The following ZNF552 variants were observed in gnomAD, a reference collection of about 807,000 sequenced individuals.
ZNF552 encodes zinc finger protein 552.
In ZNF552, 2 loss-of-function variants were observed where a neutral mutation model predicts 7.2. That is an observed-to-expected ratio of 0.28 (90% confidence interval 0.11 to 0.88). The LOEUF (loss-of-function observed/expected upper bound fraction) is 0.88. ZNF552 is among the 40% of genes least tolerant of loss of function. ZNF552 has a pLI of 0.60. For synonymous variants in ZNF552, 173 were observed against 176.5 expected, an observed-to-expected ratio of 0.98 and a Z score of 0.16; for missense variants, 421 against 493.4, an observed-to-expected ratio of 0.85 and a Z score of 1.39.
chr19:57,813,980 C>T (rs1987908907), intron 1 of ZNF552, among the ~76,000 whole-genome samples: 1 of 110,716 alleles, frequency 9.0e-6, no homozygotes, highest in African/African-American at 3.7e-5. Flanking sequence ...CGGACCAACC[C>T]GCCTAGGCCT....
rs1048195051 is a variant in ZNF552 at position 57,814,834 on chromosome 19, A to G, written c.-91T>C. Reference sequence around the variant, plus strand: ...TGTGCAAAGAGAAGAACGACTCTCGACCTCCTGGATCCAGTCACCACCACG... The same window carrying G: ...TGTGCAAAGAGAAGAACGACTCTCGGCCTCCTGGATCCAGTCACCACCACG... On this transcript the variant is annotated 5_prime_UTR_variant, in exon 1 of 3. Coordinates refer to ENST00000391701, the MANE Select transcript of ZNF552 (RefSeq NM_024762.3). 5.3e-6 allele frequency: 7 copies of G among 1,331,918 alleles called. No individual in the cohort carries two copies. Among genetic ancestry groups the G allele is most frequent in the Non-Finnish European group, 5.2e-6 (5 of 963,504 alleles). 82.5% of individuals were successfully genotyped at this position (1,331,918 alleles called of 1,614,324 possible).
intron 1 of ZNF552, 120 bp from the exon 2 acceptor site, chr19:57,813,540 A>G: frequency 2.2e-6 from 3 of 1,385,180 alleles, no homozygotes. Flanking sequence ...CATAGGAGAA[A>G]CTAGGCCCAC....
chr19:57,814,456 C>T (rs1480403343), intron 1 of ZNF552: 2 of 1,491,434 alleles, frequency 1.3e-6, no homozygotes, highest in Admixed American at 2.0e-5. Flanking sequence ...TTGTTCCCTA[C>T]AGGCGCCTGT....
chr19:57,808,663 ACT>A lies in ZNF552; in HGVS notation c.599_600del (p.Glu200ValfsTer22). 2 of 1,614,150 alleles carry A rather than the reference ACT, an allele frequency of 1.2e-6. No homozygotes were observed. The highest frequency in any genetic ancestry group is 1.7e-6 in the Non-Finnish European group (2 of 1,180,022). On this transcript the variant is annotated frameshift_variant, in exon 3 of 3. Transcript: ENST00000391701. LOFTEE classifies it low-confidence loss of function (END_TRUNC). The stretch of plus-strand genomic sequence containing the variant: ...TTTCCCCCATGAAACAGAGACACAC[ACT>A]CAGTTTTGCTGTTTGACTTCCCAGT... ...THTGKSNSKT[E>X]CVSLFHGGKS... is the part of the protein sequence containing the mutation.
chr19:57,810,226 T>A (rs1226809023), intron 2 of ZNF552, among the ~76,000 whole-genome samples: 1 of 151,758 alleles, frequency 6.6e-6, no homozygotes, highest in Non-Finnish European at 1.5e-5. Context: ...TCCCAGCACT[T>A]TGGGAGGCAG....
intron 2 of ZNF552, among the ~76,000 whole-genome samples, chr19:57,810,557 C>A (rs1263290011): frequency 1.3e-5 from 2 of 152,152 alleles, no homozygotes; most frequent in African/African-American, 4.8e-5. Context: ...TGCTTCAAGG[C>A]AGCATGCTTG....
At chr19:57,812,644 C>A (rs982937147) in intron 2 of ZNF552, among the ~76,000 whole-genome samples, 3 of 152,238 alleles carry the variant, frequency 2.0e-5, no homozygotes, top group Admixed American at 2.0e-4. Flanking sequence ...TCTCAGCTCA[C>A]TGCAACCCCT....
At position 57,813,327 on chromosome 19, in the gene ZNF552, T is replaced by C; in HGVS notation, c.127A>G (p.Thr43Ala). The change falls in exon 2 of 3, where the codon ACG (threonine) becomes GCG (alanine). Residue 43 changes from threonine (T) to alanine (A), a missense_variant. Transcript: ENST00000391701. ...EAQRCLYRDVTLENLALMSSL... is the reference protein window; with the variant it reads ...EAQRCLYRDVALENLALMSSL... ...GACATAAGTGCCAGGTTCTCCAGCG[T>C]CACATCACGGTACAGGCATCTCTGA... is the stretch of plus-strand genomic sequence containing the variant. 1 of 1,614,088 alleles carries C rather than the reference T, an allele frequency of 6.2e-7. No homozygotes were observed. The highest frequency in any genetic ancestry group is 8.5e-7 in the Non-Finnish European group (1 of 1,180,016).
intron 1 of ZNF552, 70 bp downstream of exon 1, chr19:57,814,641 C>G: frequency 1.2e-6 from 2 of 1,612,710 alleles, no homozygotes. Context: ...AAACAGGTGC[C>G]GCTCCCTCGC....
Position 57,814,720 on chromosome 19 carries a change from G to A in ZNF552, c.24C>T (p.Phe8=), listed in dbSNP as rs201098068. MAAAALR[F]PVQGTVTFED... ...AAGGCGCCACAATTACCTGAACGGG[G>A]AACCTTAGCGCGGCCGCCGCCATGG... The change falls in exon 1 of 3, where the codon TTC becomes TTT. Residue 8 remains phenylalanine, a synonymous_variant. Coordinates refer to ENST00000391701, the MANE Select transcript of ZNF552 (RefSeq NM_024762.3). 7 of 1,614,028 alleles carry A rather than the reference G, an allele frequency of 4.3e-6. No homozygotes were observed. The East Asian group carries it at 1.6e-4, about 36-fold the overall frequency.
chr19:57,813,644 A>G (rs1024865265), intron 1 of ZNF552, among the ~76,000 whole-genome samples: 1 of 151,700 alleles, frequency 6.6e-6, no homozygotes, highest in Non-Finnish European at 1.5e-5. Flanking sequence ...CCCTCCTGAC[A>G]GGCACTTCCC....
At chr19:57,810,084 A>C (rs939660586) in intron 2 of ZNF552, among the ~76,000 whole-genome samples, 1 of 152,136 alleles carries the variant, frequency 6.6e-6, no homozygotes, top group African/African-American at 2.4e-5. Context: ...CCAGGTAACA[A>C]AAATGACAGT....
At chr19:57,809,999 C>T (rs1987822917) in intron 2 of ZNF552, among the ~76,000 whole-genome samples, 1 of 152,034 alleles carries the variant, frequency 6.6e-6, no homozygotes. Flanking sequence ...CCTAGCTACT[C>T]AGGAGACTGA....
rs1356911399 is a variant in ZNF552, at chr19:57,813,415, T to C, written c.39A>G (p.Thr13=). The part of the protein sequence containing the change: ...AAALRFPVQG[T]VTFEDVAVKF... ...TCACAGCCACGTCTTCAAAAGTCAC[T>C]GTGCCCTGTTATGATGTTGACAGAT... Residue 13 remains threonine, a synonymous_variant, in exon 2 of 3, where the codon ACA becomes ACG. Transcript: ENST00000391701. The C allele has an allele frequency of 1.2e-6, 2 of 1,614,012 alleles. No individual in the cohort carries two copies. Among genetic ancestry groups the C allele is most frequent in the Non-Finnish European group, 8.5e-7 (1 of 1,179,944 alleles).
intron 2 of ZNF552, chr19:57,809,321 T>G: frequency 2.8e-6 from 3 of 1,061,654 alleles, no homozygotes; most frequent in Non-Finnish European, 2.8e-6. Flanking sequence ...CAACCATGTA[T>G]GTAACACAGG....
chr19:57,813,251 CAG>C, intron 2 of ZNF552, 41 bp downstream of exon 2: 1 of 1,609,800 alleles, frequency 6.2e-7, no homozygotes, highest in Non-Finnish European at 8.5e-7. Context: ...GGGGGAAAGA[CAG>C]AGACTAGCTC....
At position 57,807,741 on chromosome 19, in the gene ZNF552, A is replaced by G; in HGVS notation, c.*299T>C. On this transcript the variant is annotated 3_prime_UTR_variant, in exon 3 of 3. Transcript: ENST00000391701. ...CTCAAGCAAATCCTCCCATGTAGCA[A>G]TCCTCCCACATGACAGCTCTCCTGT... The G allele has an allele frequency of 3.3e-6, 1 of 302,006 alleles. No individual in the cohort carries two copies. Among genetic ancestry groups the G allele is most frequent in the South Asian group, 7.0e-5 (1 of 14,344 alleles). 18.7% of individuals were successfully genotyped at this position (302,006 alleles called of 1,614,324 possible).
rs948190931 is a variant in ZNF552, at chr19:57,814,805, C to T, written c.-62G>A. The T allele has an allele frequency of 3.3e-6, 5 of 1,508,576 alleles. No individual in the cohort carries two copies. Among genetic ancestry groups the T allele is most frequent in the Admixed American group, 3.7e-5 (2 of 54,742 alleles). 93.4% of individuals were successfully genotyped at this position (1,508,576 alleles called of 1,614,324 possible). ...GCGCCGTTAAAGAGCTGCAGAGTCA[C>T]GTCTGTGCAAAGAGAAGAACGACTC... On this transcript the variant is annotated 5_prime_UTR_variant, in exon 1 of 3. It adds an upstream start codon to the 5' untranslated region. Coordinates refer to ENST00000391701, the MANE Select transcript of ZNF552 (RefSeq NM_024762.3).
In ZNF552 at chr19:57,808,023, G is replaced by A. The variant is rs1219452328; in HGVS notation, c.*17C>T. On this transcript the variant is annotated 3_prime_UTR_variant, in exon 3 of 3. Transcript: ENST00000391701. ...GTGTGTATTCTCCAATATTTAATGA[G>A]ACTGGACTCACTGCACTCATAAGCC... 6.3e-7 allele frequency: 1 copy of A among 1,586,706 alleles called. No homozygotes were observed.
Sources: allele counts gnomAD v4.1 joint callset (sites outside exome capture counted in the v4.1 genomes callset), GRCh38; gene constraint gnomAD v4.1.1; transcripts MANE v1.5; gene names NCBI Gene and HGNC (gene_info 2026-07-23, HGNC 2026-07-21).